Variants in CHD6 observed in about 807,000 individuals in gnomAD.
The protein encoded by CHD6 is ATP-dependent chromatin remodeler CHD6.
A neutral mutation model predicts 276.9 loss-of-function variants in CHD6; 50 were observed. That is an observed-to-expected ratio of 0.18 (90% CI 0.14 to 0.23). The LOEUF (loss-of-function observed/expected upper bound fraction) is 0.23, where lower values mean the gene tolerates loss of function less well. Among genes scored for constraint, CHD6 ranks in the 10% least tolerant of loss-of-function variants. The pLI, the probability that CHD6 is intolerant of heterozygous loss-of-function variation, is 1.00. For missense variants in CHD6, 2,564 were observed against 3,365.8 expected, an observed-to-expected ratio of 0.76 and a Z score of 5.89; for synonymous variants, 1,173 against 1,229.3, an observed-to-expected ratio of 0.95 and a Z score of 0.96.
intron 5 of CHD6, among the ~76,000 whole-genome samples, chr20:41,505,765 A>G (rs1407997306): frequency 6.6e-6 from 1 of 152,074 alleles, no homozygotes; most frequent in Non-Finnish European, 1.5e-5. Context: ...AGGGTTTTAA[A>G]TACAGGCATC....
intron 5 of CHD6, among the ~76,000 whole-genome samples, chr20:41,505,343 T>G (rs1299439568): frequency 2.6e-5 from 4 of 152,204 alleles, no homozygotes; most frequent in Admixed American, 2.6e-4. Flanking sequence ...CAGAAGTCTC[T>G]TGAGGAAATC....
At chr20:41,529,450 T>C (rs193062051) in intron 3 of CHD6, among the ~76,000 whole-genome samples, 2 of 152,238 alleles carry the variant, frequency 1.3e-5, no homozygotes, top group East Asian at 3.9e-4. Context: ...CACTTCTCTG[T>C]GGGTCTCCGT....
At chr20:41,539,380 C>T (rs902337102) in intron 2 of CHD6, among the ~76,000 whole-genome samples, 1 of 152,206 alleles carries the variant, frequency 6.6e-6, no homozygotes, top group Admixed American at 6.5e-5. Flanking sequence ...GAGTGGTTAT[C>T]TTGGTAGGAA....
At chr20:41,412,349 A>G in intron 35 of CHD6, 86 bp from the exon 36 acceptor site, 1 of 1,487,738 alleles carries the variant, frequency 6.7e-7, no homozygotes, top group Non-Finnish European at 9.3e-7. Context: ...TGGTTTTGCT[A>G]TTGTTCTCGT....
intron 32 of CHD6, 104 bp from the exon 33 acceptor site, chr20:41,416,898 G>C: frequency 1.0e-6 from 1 of 977,318 alleles, no homozygotes; most frequent in East Asian, 2.7e-5. Context: ...GAGTCGATAA[G>C]AAAAGAGCAC....
chr20:41,593,264 G>A (rs1241032174), intron 1 of CHD6, among the ~76,000 whole-genome samples: 1 of 150,972 alleles, frequency 6.6e-6, no homozygotes, highest in East Asian at 1.9e-4. Flanking sequence ...AATAAATTCA[G>A]AGTTATAAAA....
intron 26 of CHD6, among the ~76,000 whole-genome samples, chr20:41,439,551 A>T (rs2047833306): frequency 6.6e-6 from 1 of 152,134 alleles, no homozygotes; most frequent in African/African-American, 2.4e-5. Context: ...GCGGCCCCTA[A>T]ATCCATCTTG....
Position 41,404,800 on chromosome 20 carries a change from T to C in CHD6, c.7941A>G (p.Ile2647Met). ...PAMQQARHSEIVGLESQKRKK... is the reference protein window; with the variant it reads ...PAMQQARHSEMVGLESQKRKK... Reference sequence around the variant, plus strand: ...TCCTCTTCTGGCTCTCCAGACCTACTATTTCCGAGTGTCTGGCCTGCTGCA... The same window carrying C: ...TCCTCTTCTGGCTCTCCAGACCTACCATTTCCGAGTGTCTGGCCTGCTGCA... The change falls in exon 37 of 37, where the codon ATA becomes ATG. Residue 2647 changes from isoleucine to methionine, a missense_variant. By Grantham distance (10) the Ile-to-Met change is conservative (BLOSUM62 1). Transcript: ENST00000373233. 1 of 1,613,252 alleles carries C rather than the reference T, an allele frequency of 6.2e-7. No homozygotes were observed. The highest frequency in any genetic ancestry group is 1.1e-5 in the South Asian group (1 of 90,980).
chr20:41,416,485 C>T, intron 33 of CHD6, 103 bp downstream of exon 33: 1 of 1,121,854 alleles, frequency 8.9e-7, no homozygotes, highest in African/African-American at 1.6e-5. Context: ...AAAAAAAACC[C>T]CTATCCACTC....
In CHD6 at chr20:41,488,513, T is replaced by C. The variant is rs1273326293; in HGVS notation, c.1772A>G (p.His591Arg). The C allele has an allele frequency of 6.2e-7, 1 of 1,613,966 alleles. No homozygotes were observed. Reference sequence around the variant, plus strand: ...TTCATCAATTATCACACAGCTCCAGTGAATCTTCTTCAACTCTGGGCAGTC... The same window carrying C: ...TTCATCAATTATCACACAGCTCCAGCGAATCTTCTTCAACTCTGGGCAGTC... ...LADCPELKKI[H>R]WSCVIIDEAH... Residue 591 changes from histidine (H) to arginine (R), a missense_variant, in exon 13 of 37, where the codon CAC becomes CGC. Physicochemically the swap from His to Arg is conservative, Grantham distance 29. Around this residue, in one of 7 missense-constraint regions of CHD6, gnomAD observed 457 missense variants for 889.0 expected, o/e 0.51. Transcript: ENST00000373233.
rs1174646157 is a variant in CHD6, at chr20:41,404,009, T to C, written c.*584A>G. The C allele has an allele frequency of 9.5e-7, 1 of 1,051,442 alleles. No individual in the cohort carries two copies. The highest frequency in any genetic ancestry group is 1.1e-6 in the Non-Finnish European group (1 of 870,424). The allele number at this position is 1,051,442 out of a possible 1,614,324, so 65.1% of individuals were successfully genotyped here. On this transcript the variant is annotated 3_prime_UTR_variant, in exon 37 of 37. Coordinates refer to ENST00000373233, the MANE Select transcript of CHD6 (RefSeq NM_032221.5). ...AATTATATTACTACCGGTAAGGTTT[T>C]TGTTTTTTATAAAGAAATGAATATA...
intron 24 of CHD6, among the ~76,000 whole-genome samples, chr20:41,447,129 C>A (rs115783147): frequency 7.9e-4 from 120 of 152,264 alleles, no homozygotes; most frequent in African/African-American, 2.8e-3. Flanking sequence ...TGTCTATGTC[C>A]CTCTCTCTCT....
At chr20:41,457,672 G>C (rs957075964) in intron 17 of CHD6, among the ~76,000 whole-genome samples, 2 of 152,192 alleles carry the variant, frequency 1.3e-5, no homozygotes, top group Non-Finnish European at 2.9e-5. Context: ...AGAAGGACAT[G>C]GTGTCCCATC....
chr20:41,505,481 C>T (rs143013137), intron 5 of CHD6, among the ~76,000 whole-genome samples: 1,610 of 152,204 alleles, frequency 0.011, 14 homozygotes, highest in Non-Finnish European at 0.017. Flanking sequence ...ACCTGATCCT[C>T]GGCCCACTCC....
Position 41,489,910 on chromosome 20 carries a change from G to A in CHD6, c.1548C>T (p.Ala516=). Residue 516 remains alanine (A), a synonymous_variant, in exon 12 of 37, where the codon GCC becomes GCT. Transcript: ENST00000373233. The part of the protein sequence containing the change: ...RGIHGPFLII[A]PLSTITNWER... ...CCCAGTTAGTGATGGTGGAGAGAGGGGCGATAATGAGAAAAGGGCCGTGGA... is the reference window on the plus strand; with the variant it reads ...CCCAGTTAGTGATGGTGGAGAGAGGAGCGATAATGAGAAAAGGGCCGTGGA... 6.2e-7 allele frequency: 1 copy of A among 1,614,002 alleles called. No individual in the cohort carries two copies.
At chr20:41,408,470 C>A (rs550238116) in intron 36 of CHD6, among the ~76,000 whole-genome samples, 1 of 152,286 alleles carries the variant, frequency 6.6e-6, no homozygotes, top group East Asian at 1.9e-4. Flanking sequence ...GGGTCGGGGC[C>A]AGGCTAAAAG....
chr20:41,484,216 T>G (rs1056987933), intron 15 of CHD6, 136 bp downstream of exon 15: 1 of 1,149,240 alleles, frequency 8.7e-7, no homozygotes, highest in African/African-American at 1.5e-5. Flanking sequence ...AATCTCAGTT[T>G]TATACTCTGT....
chr20:41,560,558 G>T (rs1385280534), intron 1 of CHD6, among the ~76,000 whole-genome samples: 1 of 152,192 alleles, frequency 6.6e-6, no homozygotes, highest in Non-Finnish European at 1.5e-5. Flanking sequence ...GCCATTAGCT[G>T]TGGAGGGCCC....
chr20:41,556,277 C>CGGGAGA (rs1230056676), intron 1 of CHD6, among the ~76,000 whole-genome samples: 2 of 135,996 alleles, frequency 1.5e-5, no homozygotes, highest in Non-Finnish European at 3.1e-5. Flanking sequence ...CGTGGGGAGA[C>CGGGAGA]GGGAGAGGGA....
Sources: gnomAD v4.1 joint callset for allele counts (sites outside exome capture counted in the v4.1 genomes callset) on GRCh38, gnomAD v4.1.1 for gene constraint, gnomAD v4.1.1 regional missense constraint, MANE v1.5 for transcripts, NCBI Gene and HGNC (gene_info 2026-07-23, HGNC 2026-07-21) for gene names.